The following CLMP variants were observed in gnomAD, a reference collection of about 807,000 sequenced individuals.
The protein encoded by CLMP is CXADR like cell adhesion molecule.
Under a neutral mutation model 45.2 loss-of-function variants are expected in CLMP, and 27 were observed. The observed-to-expected ratio is 0.60, with a 90% confidence interval of 0.44 to 0.82. The LOEUF (loss-of-function observed/expected upper bound fraction) is 0.82. CLMP is among the 40% of genes least tolerant of loss of function. The pLI is 0.00. For missense variants in CLMP, 403 were observed against 448.4 expected (o/e 0.90, Z 0.91); for synonymous variants, 167 against 171.4 (o/e 0.97, Z 0.20).
intron 1 of CLMP, among the ~76,000 whole-genome samples, chr11:123,140,594 A>C (rs1431646222): frequency 6.6e-6 from 1 of 152,056 alleles, no homozygotes; most frequent in Non-Finnish European, 1.5e-5. Context: ...ACTCCCACAC[A>C]CAACCTTTGC....
intron 1 of CLMP, among the ~76,000 whole-genome samples, chr11:123,138,566 A>G (rs1454312822): frequency 2.0e-5 from 3 of 151,586 alleles, no homozygotes; most frequent in African/African-American, 7.3e-5. Context: ...TAGAGTCCAA[A>G]TCTGGTAACA....
chr11:123,178,528 C>G (rs529097141), intron 1 of CLMP, among the ~76,000 whole-genome samples: 1 of 152,150 alleles, frequency 6.6e-6, no homozygotes, highest in African/African-American at 2.4e-5. Flanking sequence ...GTTTGCTCAT[C>G]TATAAAATGG....
intron 1 of CLMP, among the ~76,000 whole-genome samples, chr11:123,142,621 C>CTTTTTTT (rs71057336): frequency 1.6e-5 from 2 of 123,264 alleles, no homozygotes; most frequent in African/African-American, 3.2e-5. Context: ...GATGAGGTTT[C>CTTTTTTT]TTTTTTTTTT....
chr11:123,113,180 G>A (rs1860666897), intron 1 of CLMP, among the ~76,000 whole-genome samples: 2 of 152,204 alleles, frequency 1.3e-5, no homozygotes, highest in African/African-American at 4.8e-5. Context: ...CCACAAATTA[G>A]CAGGTACATT....
intron 1 of CLMP, among the ~76,000 whole-genome samples, chr11:123,176,416 T>C (rs1213798968): frequency 6.6e-6 from 1 of 152,238 alleles, no homozygotes; most frequent in Non-Finnish European, 1.5e-5. Flanking sequence ...CCAAGGAAGC[T>C]TAACCATTTG....
chr11:123,134,344 G>T (rs936750650), intron 1 of CLMP, among the ~76,000 whole-genome samples: 10 of 152,036 alleles, frequency 6.6e-5, no homozygotes, highest in African/African-American at 1.7e-4. Context: ...AGAAGGAAAA[G>T]ATTTTTTCTT....
At chr11:123,139,255 G>C (rs1565394298) in intron 1 of CLMP, among the ~76,000 whole-genome samples, 1 of 151,752 alleles carries the variant, frequency 6.6e-6, no homozygotes, top group Non-Finnish European at 1.5e-5. Context: ...AACCTCCTGA[G>C]ATTCCTATTG....
intron 1 of CLMP, among the ~76,000 whole-genome samples, chr11:123,167,575 A>G (rs181171063): frequency 1.9e-3 from 291 of 151,830 alleles, no homozygotes; most frequent in East Asian, 0.011. Flanking sequence ...ATGAGCCACC[A>G]CGCCCCGCCG....
rs1239038105 is a variant in CLMP, at chr11:123,097,944, A to G, written c.37T>C (p.Tyr13His). The G allele has an allele frequency of 1.2e-5, 18 of 1,551,286 alleles. No homozygotes were observed. Among genetic ancestry groups the G allele is most frequent in the Non-Finnish European group, 1.6e-5 (18 of 1,147,214 alleles). ...GTGTGAGTCCCCAAGGTTCCAACAT[A>G]GTAGGAAACTGGAAGAGGAAAATCT... is the stretch of plus-strand genomic sequence containing the variant. The part of the protein sequence containing the change: ...LLLLLLLVSY[Y>H]VGTLGTHTEI... The change falls in exon 2 of 7, where the codon TAT (tyrosine) becomes CAT (histidine). Residue 13 changes from tyrosine (Y) to histidine (H), a missense_variant. Transcript: ENST00000448775.
intron 5 of CLMP, among the ~76,000 whole-genome samples, chr11:123,079,758 T>A (rs1865783825): frequency 6.6e-6 from 1 of 152,214 alleles, no homozygotes; most frequent in Non-Finnish European, 1.5e-5. Context: ...CTGTTGTGTT[T>A]TTAAGAAAAA....
intron 1 of CLMP, among the ~76,000 whole-genome samples, chr11:123,150,480 A>AAAGAAAGAAAGAAAGAAAGAGG (rs764502298): frequency 3.7e-4 from 15 of 40,962 alleles, no homozygotes; most frequent in Non-Finnish European, 6.6e-4. Flanking sequence ...AGAAAGAAAG[A>AAAGAAAGAAAGAAAGAAAGAGG]AAGGAAGGAA....
At chr11:123,124,279 G>T (rs1385825884) in intron 1 of CLMP, among the ~76,000 whole-genome samples, 1 of 152,128 alleles carries the variant, frequency 6.6e-6, no homozygotes, top group Non-Finnish European at 1.5e-5. Context: ...GCCTCCCAAA[G>T]TGTTGGGATT....
At chr11:123,120,414 G>A (rs1339441449) in intron 1 of CLMP, among the ~76,000 whole-genome samples, 1 of 151,866 alleles carries the variant, frequency 6.6e-6, no homozygotes, top group Non-Finnish European at 1.5e-5. Context: ...GTTGTTCCAA[G>A]AGTTTGTCAA....
chr11:123,146,328 G>T (rs552855467), intron 1 of CLMP, among the ~76,000 whole-genome samples: 1 of 152,142 alleles, frequency 6.6e-6, no homozygotes, highest in African/African-American at 2.4e-5. Context: ...CTAATACCAT[G>T]GTTGTGAGAA....
intron 5 of CLMP, among the ~76,000 whole-genome samples, chr11:123,080,202 A>G (rs1865788805): frequency 6.6e-6 from 1 of 152,230 alleles, no homozygotes; most frequent in African/African-American, 2.4e-5. Context: ...GAGATCTAAC[A>G]TCTAAGAAAG....
rs1166159977 is a variant in CLMP, at chr11:123,150,416, TAAGA to T, written c.28+44493_28+44496del. On this transcript the variant is annotated intron_variant, in intron 1 of 6. Transcript: ENST00000448775. The stretch of plus-strand genomic sequence containing the variant: ...AGATGAACAAAAGAAGGAAGGAAGG[TAAGA>T]AAGAAAGAAAGAAAGAAAGAAAGAA... Among the ~76,000 whole-genome samples, 250 of 30,904 alleles carry T rather than the reference TAAGA, an allele frequency of 8.1e-3. 4 individuals are homozygous for T. The highest frequency in any genetic ancestry group is 0.028 in the Middle Eastern group (1 of 36). 20.3% of individuals were successfully genotyped at this position (30,904 alleles called of 152,430 possible).
chr11:123,142,287 A>G (rs1411828538), intron 1 of CLMP, among the ~76,000 whole-genome samples: 1 of 152,014 alleles, frequency 6.6e-6, no homozygotes, highest in Non-Finnish European at 1.5e-5. Context: ...CGCCTGGCTG[A>G]TCTAGCCAAA....
chr11:123,121,658 C>A (rs1012798656), intron 1 of CLMP, among the ~76,000 whole-genome samples: 3 of 152,088 alleles, frequency 2.0e-5, no homozygotes, highest in African/African-American at 7.2e-5. Context: ...TGCCAATGTT[C>A]TCTGAGCTGG....
At chr11:123,103,261 C>G (rs1418313477) in intron 1 of CLMP, among the ~76,000 whole-genome samples, 1 of 152,170 alleles carries the variant, frequency 6.6e-6, no homozygotes, top group African/African-American at 2.4e-5. Flanking sequence ...TCACTTTCCA[C>G]CGGACACAAA....
Sources: gnomAD v4.1 joint callset for allele counts (sites outside exome capture counted in the v4.1 genomes callset) on GRCh38, gnomAD v4.1.1 for gene constraint, MANE v1.5 for transcripts, NCBI Gene and HGNC (gene_info 2026-07-23, HGNC 2026-07-21) for gene names.